Variants in IQGAP3 observed in about 807,000 individuals in gnomAD.
IQGAP3 encodes the protein IQ motif containing GTPase activating protein 3.
In IQGAP3, 165 loss-of-function variants were observed where a neutral mutation model predicts 208.2. That is an observed-to-expected ratio of 0.79 (90% CI 0.70 to 0.90). The LOEUF (loss-of-function observed/expected upper bound fraction) is 0.90. IQGAP3 is among the 40% of genes least tolerant of loss of function. The pLI, the probability that IQGAP3 is intolerant of heterozygous loss-of-function variation, is 0.00. For synonymous variants in IQGAP3, 703 were observed against 803.6 expected, an observed-to-expected ratio of 0.87 and a Z score of 2.12; for missense variants, 1,811 against 2,043.1, an observed-to-expected ratio of 0.89 and a Z score of 2.19.
chr1:156,533,180 C>A, intron 31 of IQGAP3, 74 bp from the exon 32 acceptor site: 1 of 1,545,370 alleles, frequency 6.5e-7, no homozygotes, highest in Non-Finnish European at 8.9e-7. Context: ...CACACACACA[C>A]ATGCACCGAT....
Position 156,527,961 on chromosome 1 carries a change from A to G in IQGAP3, c.4773T>C (p.Leu1591=). Residue 1591 remains leucine (L), a synonymous_variant, in exon 37 of 38, where the codon CTT becomes CTC. Coordinates refer to ENST00000361170, the MANE Select transcript of IQGAP3 (RefSeq NM_178229.5). ...GGGACTGTCCCCTCACCTGATAGTGAAGCTGAAATCGCTCCATGTCCACAC... is the reference window on the plus strand; with the variant it reads ...GGGACTGTCCCCTCACCTGATAGTGGAGCTGAAATCGCTCCATGTCCACAC... ...FLGVDMERFQ[L]HYQDLLQLQY... 1.9e-6 allele frequency: 3 copies of G among 1,611,440 alleles called. No homozygotes were observed. The highest frequency in any genetic ancestry group is 2.5e-6 in the Non-Finnish European group (3 of 1,177,568).
chr1:156,527,230 C>T (rs1476763771), intron 37 of IQGAP3, among the ~76,000 whole-genome samples: 1 of 151,542 alleles, frequency 6.6e-6, no homozygotes, highest in Admixed American at 6.6e-5. Context: ...CCTGTAAATC[C>T]CAGCATTTTG....
intron 12 of IQGAP3, 24 bp downstream of exon 12, chr1:156,556,509 T>C: frequency 6.2e-7 from 1 of 1,613,618 alleles, no homozygotes; most frequent in African/African-American, 1.3e-5. Flanking sequence ...ACTGCAGAGC[T>C]AGACCCACAT....
intron 11 of IQGAP3, among the ~76,000 whole-genome samples, chr1:156,557,611 T>TGG (rs1199007209): frequency 6.1e-5 from 1 of 16,342 alleles, no homozygotes; most frequent in Non-Finnish European, 1.5e-4. Context: ...GGGAGGGAGG[T>TGG]GGGGGGGTCA....
At chr1:156,533,176 C>A in intron 31 of IQGAP3, 70 bp from the exon 32 acceptor site, 3 of 1,572,226 alleles carry the variant, frequency 1.9e-6, no homozygotes, top group East Asian at 2.2e-5. Flanking sequence ...CATACACACA[C>A]ACACATGCAC....
intron 12 of IQGAP3, 148 bp from the exon 13 acceptor site, chr1:156,554,540 C>G (rs1675733639): frequency 1.5e-6 from 1 of 647,456 alleles, no homozygotes; most frequent in Admixed American, 3.6e-5. Flanking sequence ...AATCATCATA[C>G]AAAACACCTG....
At chr1:156,547,374 G>GACACAGAC (rs1168299018) in intron 19 of IQGAP3, among the ~76,000 whole-genome samples, 13 of 110,580 alleles carry the variant, frequency 1.2e-4, no homozygotes, top group Non-Finnish European at 1.4e-4. Flanking sequence ...CAGACACACA[G>GACACAGAC]ACACAGACAC....
chr1:156,530,194 G>A lies in IQGAP3; in HGVS notation c.4315C>T (p.Arg1439Cys), dbSNP rs1196965387. The change falls in exon 34 of 38, where the codon CGC becomes TGC. Residue 1439 changes from arginine to cysteine, a missense_variant. Transcript: ENST00000361170. ...AGTCGGCGTAGGTTCCGCAGGACGC[G>A]CCGCTGCTTCTCTGCCAGTGGCAGG... ...SLLPLAEKQR[R>C]VLRNLRRLEA... 5.6e-6 allele frequency: 9 copies of A among 1,612,692 alleles called. No homozygotes were observed. Among genetic ancestry groups the A allele is most frequent in the East Asian group, 2.2e-5 (1 of 44,848 alleles).
At chr1:156,547,107 C>T (rs1347423871) in intron 19 of IQGAP3, among the ~76,000 whole-genome samples, 3 of 152,134 alleles carry the variant, frequency 2.0e-5, no homozygotes, top group African/African-American at 4.8e-5. Flanking sequence ...GCTCAATTGC[C>T]ATCATTCCTG....
intron 19 of IQGAP3, among the ~76,000 whole-genome samples, chr1:156,546,282 C>A (rs1675239954): frequency 6.6e-6 from 1 of 152,176 alleles, no homozygotes; most frequent in African/African-American, 2.4e-5. Flanking sequence ...CCCAGGAAGC[C>A]TCATTTTGGA....
intron 32 of IQGAP3, among the ~76,000 whole-genome samples, chr1:156,531,544 T>C (rs1674403929): frequency 6.6e-6 from 1 of 151,442 alleles, no homozygotes; most frequent in Admixed American, 6.6e-5. Context: ...TGTTCAGCCC[T>C]AGCCCGATCC....
chr1:156,528,856 G>T, intron 35 of IQGAP3, 60 bp downstream of exon 35: 1 of 1,582,266 alleles, frequency 6.3e-7, no homozygotes, highest in South Asian at 1.1e-5. Flanking sequence ...GGGCAAAGGT[G>T]ACATGGGCAG....
rs1328940526 is a variant in IQGAP3, at chr1:156,572,479, C to T, written c.37+14G>A. 6.2e-7 allele frequency: 1 copy of T among 1,609,612 alleles called. No homozygotes were observed. Among genetic ancestry groups the T allele is most frequent in the Non-Finnish European group, 8.5e-7 (1 of 1,179,750 alleles). On this transcript the variant is annotated intron_variant, in intron 1 of 37. Transcript: ENST00000361170. ...ACCACTGCGAGACCCTTCTCTGACC[C>T]TCTCCGCACTCACAGGCTGCCCAGC...
chr1:156,561,864 T>A lies in IQGAP3; in HGVS notation c.1015A>T (p.Asn339Tyr). 6.2e-7 allele frequency: 1 copy of A among 1,614,060 alleles called. No homozygotes were observed. ...DFADWYLEQL[N>Y]SDREQKAQEL... ...TGTGCCTTCTGCTCTCTGTCTGAGT[T>A]CAGCTGCTCCAGGTACCAGTCAGCA... The change falls in exon 10 of 38, where the codon AAC (asparagine) becomes TAC (tyrosine). Residue 339 changes from asparagine (N) to tyrosine (Y), a missense_variant. By Grantham distance (143) the Asn-to-Tyr change is moderately radical. Coordinates refer to ENST00000361170, the MANE Select transcript of IQGAP3 (RefSeq NM_178229.5).
chr1:156,539,084 T>C (rs1289276259), intron 25 of IQGAP3, 51 bp from the exon 26 acceptor site: 36 of 1,506,920 alleles, frequency 2.4e-5, no homozygotes, highest in Non-Finnish European at 3.2e-5. Context: ...GTGTAGGACA[T>C]ACCGTTGCTT....
At chr1:156,536,026 T>C (rs1480171868) in intron 27 of IQGAP3, among the ~76,000 whole-genome samples, 2 of 152,240 alleles carry the variant, frequency 1.3e-5, no homozygotes, top group African/African-American at 2.4e-5. Context: ...ATTAAATTCA[T>C]TTAAAAGCAA....
At chr1:156,540,448 A>C (rs138543604) in intron 23 of IQGAP3, among the ~76,000 whole-genome samples, 2 of 152,272 alleles carry the variant, frequency 1.3e-5, no homozygotes, top group Non-Finnish European at 2.9e-5. Context: ...CTTAGAAGTG[A>C]AATGAGCACC....
Position 156,540,835 on chromosome 1 carries a change from T to A in IQGAP3, c.2612A>T (p.Glu871Val). The A allele has an allele frequency of 6.2e-7, 1 of 1,614,100 alleles. No homozygotes were observed. Among genetic ancestry groups the A allele is most frequent in the East Asian group, 2.2e-5 (1 of 44,878 alleles). ...LNQSQQDFLAEAELLKLQEEV... is the reference protein window; with the variant it reads ...LNQSQQDFLAVAELLKLQEEV... ...TTCCTGGAGCTTCAGCAGCTCTGCC[T>A]CAGCCAAGAAGTCTTGCTGGCTTTG... The change falls in exon 23 of 38, where the codon GAG becomes GTG. Residue 871 changes from glutamate (E) to valine (V), a missense_variant. By Grantham distance (121) the Glu-to-Val change is moderately radical. Coordinates refer to ENST00000361170, the MANE Select transcript of IQGAP3 (RefSeq NM_178229.5).
intron 29 of IQGAP3, 50 bp downstream of exon 29, chr1:156,534,451 A>C: frequency 7.4e-7 from 1 of 1,360,164 alleles, no homozygotes; most frequent in Non-Finnish European, 1.0e-6. Context: ...GTGGGATGTC[A>C]AAGGTGAGAA....
Sources: allele counts gnomAD v4.1 joint callset (sites outside exome capture counted in the v4.1 genomes callset), GRCh38; gene constraint gnomAD v4.1.1; transcripts MANE v1.5; gene names NCBI Gene and HGNC (gene_info 2026-07-23, HGNC 2026-07-21).